EGLN3: variants seen among roughly 807,000 people sequenced by gnomAD.
The protein encoded by EGLN3 is prolyl hydroxylase EGLN3.
In EGLN3, 15 loss-of-function variants were observed where a neutral mutation model predicts 26.0. The ratio of observed to expected loss-of-function variants is 0.58; its 90% confidence interval spans 0.39 to 0.89. EGLN3 has a LOEUF of 0.89. Ranked by LOEUF, EGLN3 falls within the 40% of genes least tolerant of loss-of-function variation. The pLI, the probability that EGLN3 is intolerant of heterozygous loss-of-function variation, is 0.00. For missense variants in EGLN3, 238 were observed against 311.6 expected (o/e 0.76, Z 1.78); for synonymous variants, 147 against 127.2 (o/e 1.16, Z -1.05).
intron 1 of EGLN3, among the ~76,000 whole-genome samples, chr14:33,945,755 C>A (rs565378989): frequency 2.0e-5 from 3 of 152,244 alleles, no homozygotes; most frequent in African/African-American, 7.2e-5. Context: ...TTGGATCCTG[C>A]GAGATCACTT....
At chr14:33,926,034 G>A in intron 4 of EGLN3, 112 bp from the exon 5 acceptor site, 2 of 1,002,120 alleles carry the variant, frequency 2.0e-6, no homozygotes, top group East Asian at 2.4e-5. Context: ...TCTTATATAA[G>A]CCTCCTAATA....
intron 1 of EGLN3, among the ~76,000 whole-genome samples, chr14:33,940,819 C>T (rs2064477289): frequency 6.6e-6 from 1 of 152,194 alleles, no homozygotes; most frequent in Admixed American, 6.5e-5. Flanking sequence ...CTGGCAGTTT[C>T]TGGCATCAGC....
intron 1 of EGLN3, among the ~76,000 whole-genome samples, chr14:33,934,704 A>G (rs1011337971): frequency 9.2e-5 from 14 of 152,324 alleles, no homozygotes; most frequent in Middle Eastern, 3.4e-3. Context: ...TGCCGTTACC[A>G]CTTCTCTGCT....
intron 1 of EGLN3, among the ~76,000 whole-genome samples, chr14:33,947,635 TA>T (rs201461891): frequency 5.9e-5 from 9 of 152,006 alleles, no homozygotes; most frequent in Non-Finnish European, 1.2e-4. Context: ...TTAAAGTAGC[TA>T]AAAAAAATTG....
Position 33,950,620 on chromosome 14 carries a change from C to G in EGLN3, c.133G>C (p.Glu45Gln). The change falls in exon 1 of 5, where the codon GAG (glutamate) becomes CAG (glutamine). Residue 45 changes from glutamate (E) to glutamine (Q), a missense_variant. By Grantham distance (29) the Glu-to-Gln change is conservative (BLOSUM62 2). Coordinates refer to ENST00000250457, the MANE Select transcript of EGLN3 (RefSeq NM_022073.4). The part of the protein sequence containing the change: ...LGEVVGDCVL[E>Q]RVKQLHCTGA... ...GTGCAGTGCAGCTGCTTGACGCGCTCCAGGACGCAGTCGCCCACCACCTCG... is the reference window on the plus strand; with the variant it reads ...GTGCAGTGCAGCTGCTTGACGCGCTGCAGGACGCAGTCGCCCACCACCTCG... 1 of 1,613,780 alleles carries G rather than the reference C, an allele frequency of 6.2e-7. No individual in the cohort carries two copies.
At chr14:33,931,052 T>C (rs374668533) in intron 2 of EGLN3, 44 bp downstream of exon 2, 2 of 1,609,032 alleles carry the variant, frequency 1.2e-6, no homozygotes, top group African/African-American at 1.3e-5. Flanking sequence ...ATCATTTTCC[T>C]GTAGTTTCTA....
At chr14:33,939,315 A>C (rs1174989160) in intron 1 of EGLN3, among the ~76,000 whole-genome samples, 4 of 151,402 alleles carry the variant, frequency 2.6e-5, no homozygotes, top group Non-Finnish European at 5.9e-5. Context: ...GGTTCAGGCC[A>C]TTCTCCTGCC....
intron 2 of EGLN3, among the ~76,000 whole-genome samples, chr14:33,929,494 A>G (rs555649377): frequency 1.3e-5 from 2 of 152,300 alleles, no homozygotes; most frequent in Admixed American, 1.3e-4. Context: ...CTGGGATTAG[A>G]GGCATGCACC....
rs1491422133 is a variant in EGLN3, at chr14:33,924,940, C to CCAA, written c.*950_*951insTTG. On this transcript the variant is annotated 3_prime_UTR_variant, in exon 5 of 5. Transcript: ENST00000250457. ...AGGGTGAGCTCATTAAAAAGGAAAA[C>CCAA]TAAAAAAAAAAAAAAAAAAAAAACA... 1.4e-4 allele frequency: 1 copy of CCAA among 7,142 alleles called. No homozygotes were observed. The highest frequency in any genetic ancestry group is 2.6e-4 in the African/African-American group (1 of 3,872). 0.4% of individuals were successfully genotyped at this position (7,142 alleles called of 1,614,324 possible).
chr14:33,935,709 T>C (rs1191462963), intron 1 of EGLN3, among the ~76,000 whole-genome samples: 3 of 152,106 alleles, frequency 2.0e-5, no homozygotes. Context: ...TTGAGACAGC[T>C]GCTGAGTGGG....
intron 1 of EGLN3, among the ~76,000 whole-genome samples, chr14:33,934,419 A>G (rs1348597471): frequency 2.6e-5 from 4 of 152,072 alleles, no homozygotes; most frequent in Admixed American, 2.6e-4. Flanking sequence ...CCACAGGTGG[A>G]AAAGGAAACA....
At chr14:33,946,995 A>G (rs947849540) in intron 1 of EGLN3, among the ~76,000 whole-genome samples, 5 of 152,250 alleles carry the variant, frequency 3.3e-5, no homozygotes, top group African/African-American at 1.2e-4. Flanking sequence ...TAAGCAAGAT[A>G]GTATTTGTAA....
intron 1 of EGLN3, chr14:33,948,117 T>C (rs1387446292): frequency 6.6e-6 from 1 of 152,182 alleles, no homozygotes; most frequent in African/African-American, 2.4e-5. Context: ...TGGGTCTCTA[T>C]CACTGCTCTG....
intron 1 of EGLN3, among the ~76,000 whole-genome samples, chr14:33,940,937 TG>T (rs2064478234): frequency 6.6e-6 from 1 of 152,176 alleles, no homozygotes; most frequent in African/African-American, 2.4e-5. Flanking sequence ...ATATCAGCGC[TG>T]GGGTTGAATG....
intron 1 of EGLN3, among the ~76,000 whole-genome samples, chr14:33,939,271 C>G (rs909519121): frequency 6.6e-6 from 1 of 151,514 alleles, no homozygotes; most frequent in Non-Finnish European, 1.5e-5. Context: ...AGTGCACTGG[C>G]GCGATCTCGG....
chr14:33,944,313 G>C (rs1323800850), intron 1 of EGLN3, among the ~76,000 whole-genome samples: 1 of 151,982 alleles, frequency 6.6e-6, no homozygotes, highest in African/African-American at 2.4e-5. Flanking sequence ...GTAGAGATGG[G>C]GTTTCACCAT....
At position 33,927,025 on chromosome 14, in the gene EGLN3, A is replaced by G; in HGVS notation, c.623T>C (p.Met208Thr). Residue 208 changes from methionine to threonine, a missense_variant, in exon 4 of 5, where the codon ATG (methionine) becomes ACG (threonine). Physicochemically the swap from Met to Thr is moderately conservative, Grantham distance 81. Coordinates refer to ENST00000250457, the MANE Select transcript of EGLN3 (RefSeq NM_022073.4). Reference sequence around the variant, plus strand: ...TTCAGCATCAAAGTACCAGACAGTCATAGCATATCTGTGAAAGATAAGCAG... The same window carrying G: ...TTCAGCATCAAAGTACCAGACAGTCGTAGCATATCTGTGAAAGATAAGCAG... ...VQPSYATRYA[M>T]TVWYFDAEER... 6.3e-7 allele frequency: 1 copy of G among 1,598,814 alleles called. No individual in the cohort carries two copies. The highest frequency in any genetic ancestry group is 8.5e-7 in the Non-Finnish European group (1 of 1,172,760).
In EGLN3 at chr14:33,945,029, C is replaced by A. The variant is rs72552326; in HGVS notation, c.357+5367G>T. Among the ~76,000 whole-genome samples the A allele has an allele frequency of 2.9e-3, 441 of 152,306 alleles. 2 individuals carry two copies. The Middle Eastern group carries it at 0.037, about 13-fold the overall frequency. On this transcript the variant is annotated intron_variant, in intron 1 of 4. Transcript: ENST00000250457. ...CATGAAAACTTGCCCATTGGAGAGA[C>A]TTGTTTCACTGTCACTGGGACTGTA... is the stretch of plus-strand genomic sequence containing the variant.
chr14:33,950,417 G>A lies in EGLN3; in HGVS notation c.336C>T (p.Tyr112=), dbSNP rs1216853981. The change falls in exon 1 of 5, where the codon TAC becomes TAT. Residue 112 remains tyrosine (Y), a synonymous_variant. Coordinates refer to ENST00000250457, the MANE Select transcript of EGLN3 (RefSeq NM_022073.4). ...CTACCTTAGACCTCTCCTTGACGTA[G>A]TATTTGCCCAGCCGGCTCCCGCAGT... is the stretch of plus-strand genomic sequence containing the variant. ...VLYCGSRLGK[Y]YVKERSKAMV... is the part of the protein sequence containing the mutation. 2 of 1,613,210 alleles carry A rather than the reference G, an allele frequency of 1.2e-6. No individual in the cohort carries two copies. Among genetic ancestry groups the A allele is most frequent in the East Asian group, 4.5e-5 (2 of 44,878 alleles).
Sources: allele counts gnomAD v4.1 joint callset (sites outside exome capture counted in the v4.1 genomes callset), GRCh38; gene constraint gnomAD v4.1.1; transcripts MANE v1.5; gene names NCBI Gene and HGNC (gene_info 2026-07-23, HGNC 2026-07-21).